Variants in GALNT2 observed in about 807,000 individuals in gnomAD.
GALNT2 encodes polypeptide N-acetylgalactosaminyltransferase 2.
GALNT2 carries 31 observed loss-of-function variants against 81.4 expected under a neutral mutation model. The ratio of observed to expected loss-of-function variants is 0.38; its 90% CI spans 0.29 to 0.51. The LOEUF is 0.51. Among genes scored for constraint, GALNT2 ranks in the 20% least tolerant of loss-of-function variants. The probability of loss-of-function intolerance (pLI) is 0.87; values close to 1 mark genes in which losing one functional copy is unlikely to be tolerated. For missense variants in GALNT2, 629 were observed against 765.7 expected, an observed-to-expected ratio of 0.82 and a Z score of 2.11; for synonymous variants, 303 against 287.4, an observed-to-expected ratio of 1.05 and a Z score of -0.55.
At chr1:230,209,630 C>T (rs1664172508) in intron 3 of GALNT2, among the ~76,000 whole-genome samples, 1 of 152,164 alleles carries the variant, frequency 6.6e-6, no homozygotes, top group South Asian at 2.1e-4. Context: ...TCGCTTGAGT[C>T]CAGGAGTTTG....
chr1:230,085,006 G>T (rs933816469), intron 1 of GALNT2, among the ~76,000 whole-genome samples: 1 of 152,170 alleles, frequency 6.6e-6, no homozygotes, highest in Non-Finnish European at 1.5e-5. Context: ...TGCCCTAAAG[G>T]TGGAGGTGCC....
chr1:230,153,320 G>C (rs1662146866), intron 1 of GALNT2, among the ~76,000 whole-genome samples: 1 of 152,220 alleles, frequency 6.6e-6, no homozygotes, highest in Admixed American at 6.5e-5. Context: ...GTCTGCTAAT[G>C]ATCGGTTCTT....
At chr1:230,085,099 T>A (rs1308173837) in intron 1 of GALNT2, among the ~76,000 whole-genome samples, 2 of 152,164 alleles carry the variant, frequency 1.3e-5, no homozygotes, top group African/African-American at 4.8e-5. Context: ...AATGATCAGT[T>A]GTTTGTAAGC....
At chr1:230,058,003 C>G (rs1490591250) in exon 1 of GALNT2, 1 of 456,146 alleles carries the variant, frequency 2.2e-6, no homozygotes. Context: ...TGTACACGAA[C>G]GAAAAGCACT....
intron 1 of GALNT2, among the ~76,000 whole-genome samples, chr1:230,133,727 T>A (rs1460361045): frequency 2.6e-5 from 4 of 152,190 alleles, no homozygotes; most frequent in Admixed American, 6.6e-5. Flanking sequence ...AGTGCTGGGA[T>A]TACAGGCATT....
Position 230,120,033 on chromosome 1 carries a change from G to A in GALNT2, c.126+52627G>A, listed in dbSNP as rs151024059. On this transcript the variant is annotated intron_variant, in intron 1 of 15. Coordinates refer to ENST00000366672, the MANE Select transcript of GALNT2 (RefSeq NM_004481.5). ...GTTCTCTGTGCTGGGAAGCGTTTGC[G>A]GTTCGCTATTGGGCTCAGGGCGGCC... 1.9e-3 allele frequency among the ~76,000 whole-genome samples: 282 copies of A among 152,152 alleles called. 1 individual carries two copies. Among genetic ancestry groups the A allele is most frequent in the African/African-American group, 6.4e-3 (267 of 41,510 alleles).
chr1:230,133,636 G>T (rs1204224142), intron 1 of GALNT2, among the ~76,000 whole-genome samples: 1 of 151,974 alleles, frequency 6.6e-6, no homozygotes, highest in Non-Finnish European at 1.5e-5. Context: ...TGTGTTTTTG[G>T]TAGAGATGAG....
chr1:230,162,128 G>A (rs968184962), intron 1 of GALNT2, among the ~76,000 whole-genome samples: 9 of 152,200 alleles, frequency 5.9e-5, no homozygotes, highest in African/African-American at 1.7e-4. Context: ...ACGTGAATGA[G>A]TTTCCACATT....
chr1:230,156,708 G>C (rs1662269944), intron 1 of GALNT2, among the ~76,000 whole-genome samples: 1 of 152,122 alleles, frequency 6.6e-6, no homozygotes, highest in Non-Finnish European at 1.5e-5. Context: ...GTGGAACTCG[G>C]GGCCATGGTA....
intron 3 of GALNT2, among the ~76,000 whole-genome samples, chr1:230,206,273 G>T (rs1485335826): frequency 6.6e-6 from 1 of 152,018 alleles, no homozygotes; most frequent in Non-Finnish European, 1.5e-5. Context: ...CTATATGTAC[G>T]TATATTTTTT....
At chr1:230,202,754 G>C (rs1201362289) in intron 2 of GALNT2, among the ~76,000 whole-genome samples, 3 of 152,154 alleles carry the variant, frequency 2.0e-5, no homozygotes, top group Non-Finnish European at 4.4e-5. Flanking sequence ...GTTTATACAT[G>C]ATCTTCTTCA....
chr1:230,154,207 C>T (rs1662176477), intron 1 of GALNT2, among the ~76,000 whole-genome samples: 2 of 152,360 alleles, frequency 1.3e-5, no homozygotes, highest in South Asian at 2.1e-4. Flanking sequence ...AGTCAAGCTG[C>T]CGTCCACCCT....
chr1:230,177,799 G>T (rs539896482), intron 1 of GALNT2, among the ~76,000 whole-genome samples: 1 of 152,276 alleles, frequency 6.6e-6, no homozygotes, highest in Non-Finnish European at 1.5e-5. Context: ...GTCCTAAGAT[G>T]TCCATAAACC....
chr1:230,117,542 G>A (rs1485651943), intron 1 of GALNT2, among the ~76,000 whole-genome samples: 2 of 152,202 alleles, frequency 1.3e-5, no homozygotes, highest in East Asian at 3.9e-4. Flanking sequence ...CCTAATTTCA[G>A]TATCGTGGTA....
chr1:230,189,808 C>T (rs944910124), intron 2 of GALNT2, among the ~76,000 whole-genome samples: 3 of 152,206 alleles, frequency 2.0e-5, no homozygotes, highest in African/African-American at 7.2e-5. Context: ...TACCAATGTC[C>T]CATTCCTCCC....
At chr1:230,144,553 A>G (rs1236064584) in intron 1 of GALNT2, among the ~76,000 whole-genome samples, 3 of 152,218 alleles carry the variant, frequency 2.0e-5, no homozygotes, top group African/African-American at 7.2e-5. Context: ...TATTGTGCCA[A>G]CATCTGCAAC....
At chr1:230,126,985 T>G (rs900011660) in intron 1 of GALNT2, among the ~76,000 whole-genome samples, 40 of 152,206 alleles carry the variant, frequency 2.6e-4, no homozygotes, top group African/African-American at 9.6e-4. Flanking sequence ...GTCTGGCGGT[T>G]TCCTCTTCCT....
rs184956450 is a variant in GALNT2 at position 230,095,046 on chromosome 1, G to C, written c.126+27640G>C. 3.9e-5 allele frequency among the ~76,000 whole-genome samples: 6 copies of C among 152,270 alleles called. No individual in the cohort carries two copies. In the East Asian group the frequency reaches 1.2e-3, roughly 29 times the overall value. On this transcript the variant is annotated intron_variant, in intron 1 of 15. Coordinates refer to ENST00000366672, the MANE Select transcript of GALNT2 (RefSeq NM_004481.5). ...ACTGCTGTTACAAACTGGCCCTTCT[G>C]CTCCGAGTCTGCTGGTCCTCATACG...
rs56074247 is a variant in GALNT2, at chr1:230,156,244, A to AGT, written c.127-21951_127-21950dup. Reference sequence around the variant, plus strand: ...GAGAGAGAGAGAGAAAGAGAGAGAGAGTGTGTGTGTGTGTGTGTGTGTGTT... The same window carrying AGT: ...GAGAGAGAGAGAGAAAGAGAGAGAGAGTGTGTGTGTGTGTGTGTGTGTGTGTT... On this transcript the variant is annotated intron_variant, in intron 1 of 15. Transcript: ENST00000366672. 2.3e-3 allele frequency among the ~76,000 whole-genome samples: 342 copies of AGT among 147,002 alleles called. 1 individual carries two copies. Among genetic ancestry groups the AGT allele is most frequent in the East Asian group, 6.6e-3 (33 of 4,998 alleles).
Sources: gnomAD v4.1 joint callset for allele counts (sites outside exome capture counted in the v4.1 genomes callset) on GRCh38, gnomAD v4.1.1 for gene constraint, MANE v1.5 for transcripts, NCBI Gene and HGNC (gene_info 2026-07-23, HGNC 2026-07-21) for gene names.